Variants in SPIDR observed in about 807,000 individuals in gnomAD.
SPIDR encodes scaffold protein involved in DNA repair.
Under a neutral mutation model 104.6 loss-of-function variants are expected in SPIDR, and 93 were observed. That is an observed-to-expected ratio of 0.89 (90% CI 0.75 to 1.06). The LOEUF is 1.06. Ranked by LOEUF, SPIDR falls within the 50% of genes least tolerant of loss-of-function variation. SPIDR has a pLI of 0.00. For synonymous variants in SPIDR, 431 were observed against 416.9 expected, an observed-to-expected ratio of 1.03 and a Z score of -0.41; for missense variants, 1,154 against 1,111.2, an observed-to-expected ratio of 1.04 and a Z score of -0.55.
chr8:47,587,876 A>T (rs139311456), intron 8 of SPIDR, among the ~76,000 whole-genome samples: 1 of 150,848 alleles, frequency 6.6e-6, no homozygotes, highest in Non-Finnish European at 1.5e-5. Flanking sequence ...CTATGTGTCT[A>T]TCCCTTCAAT....
At chr8:47,511,195 C>A in intron 8 of SPIDR, 1 of 1,586,762 alleles carries the variant, frequency 6.3e-7, no homozygotes, top group Non-Finnish European at 8.7e-7. Flanking sequence ...GTTGCTGATC[C>A]TGTGGCTGTG....
At chr8:47,728,733 G>A (rs958696792) in intron 17 of SPIDR, 200 bp from the exon 18 acceptor site, 21 of 532,120 alleles carry the variant, frequency 3.9e-5, no homozygotes, top group East Asian at 7.0e-5. Flanking sequence ...AGTGCTACTC[G>A]TGCTACTCGA....
intron 8 of SPIDR, among the ~76,000 whole-genome samples, chr8:47,471,963 A>G (rs984444602): frequency 5.3e-5 from 8 of 152,352 alleles, no homozygotes; most frequent in Admixed American, 1.3e-4. Context: ...AATTCCAGTT[A>G]TGCCCCAACT....
At chr8:47,650,955 G>A (rs888792070) in intron 10 of SPIDR, among the ~76,000 whole-genome samples, 1 of 152,110 alleles carries the variant, frequency 6.6e-6, no homozygotes, top group African/African-American at 2.4e-5. Flanking sequence ...ATAAACTCAA[G>A]ATGGATCAAA....
chr8:47,603,557 TA>T (rs2062564928), intron 10 of SPIDR, among the ~76,000 whole-genome samples: 1 of 147,692 alleles, frequency 6.8e-6, no homozygotes, highest in African/African-American at 2.5e-5. Context: ...CATACCCAGC[TA>T]ATTTTTTTTT....
intron 1 of SPIDR, among the ~76,000 whole-genome samples, chr8:47,268,977 G>C (rs2034674912): frequency 6.6e-6 from 1 of 151,778 alleles, no homozygotes; most frequent in Non-Finnish European, 1.5e-5. Flanking sequence ...GACCAGCCTG[G>C]GCAACATGGT....
rs555018053 is a variant in SPIDR, at chr8:47,465,920, AC to A, written c.1097+25379del. On this transcript the variant is annotated intron_variant, in intron 8 of 19. Transcript: ENST00000297423. ...ACTAAACCGACGAAGATCAAAAAAGACAAAGAATCACATTACATAATGGTAA... is the reference window on the plus strand; with the variant it reads ...ACTAAACCGACGAAGATCAAAAAAGAAAAGAATCACATTACATAATGGTAA... Among the ~76,000 whole-genome samples the A allele has an allele frequency of 3.4e-3, 517 of 152,294 alleles. 2 individuals carry two copies. Among genetic ancestry groups the A allele is most frequent in the African/African-American group, 0.012 (492 of 41,552 alleles).
intron 10 of SPIDR, among the ~76,000 whole-genome samples, chr8:47,623,455 A>G (rs2065469105): frequency 6.6e-6 from 1 of 152,234 alleles, no homozygotes; most frequent in South Asian, 2.1e-4. Flanking sequence ...TTGGATAAAG[A>G]GTCAAGACCC....
chr8:47,484,027 G>A (rs7002441), intron 8 of SPIDR, among the ~76,000 whole-genome samples: 5,231 of 152,160 alleles, frequency 0.034, 328 homozygotes, highest in Admixed American at 0.15. Flanking sequence ...GTTAGCAAAC[G>A]ATTTCTATGA....
chr8:47,261,244 C>T (rs1284011706), intron 1 of SPIDR, among the ~76,000 whole-genome samples: 1 of 152,164 alleles, frequency 6.6e-6, no homozygotes. Context: ...GGGGTGGGAC[C>T]GCCGAGGGAC....
intron 7 of SPIDR, among the ~76,000 whole-genome samples, chr8:47,433,960 T>G (rs996608926): frequency 2.0e-5 from 3 of 152,132 alleles, no homozygotes; most frequent in African/African-American, 7.2e-5. Flanking sequence ...CTATGAGAAG[T>G]CAGTAAAATA....
chr8:47,627,001 G>A (rs1005229139), intron 10 of SPIDR, among the ~76,000 whole-genome samples: 4 of 152,166 alleles, frequency 2.6e-5, no homozygotes, highest in South Asian at 4.1e-4. Flanking sequence ...ATGTCCAACA[G>A]CGATAGACTG....
chr8:47,455,979 C>T (rs1586008759), intron 8 of SPIDR, among the ~76,000 whole-genome samples: 8 of 152,082 alleles, frequency 5.3e-5, no homozygotes, highest in Admixed American at 4.6e-4. Context: ...ATAAAGGATT[C>T]AACAGCTGTA....
intron 8 of SPIDR, among the ~76,000 whole-genome samples, chr8:47,462,086 T>C (rs1325295549): frequency 1.3e-5 from 2 of 152,164 alleles, no homozygotes; most frequent in Non-Finnish European, 2.9e-5. Flanking sequence ...AGTGTTCAGA[T>C]TCTTTTGTCC....
intron 10 of SPIDR, among the ~76,000 whole-genome samples, chr8:47,618,167 A>G (rs2064602880): frequency 6.6e-6 from 1 of 151,802 alleles, no homozygotes; most frequent in Admixed American, 6.6e-5. Context: ...CTCTCGTGTC[A>G]TTTTCTAGTT....
intron 7 of SPIDR, among the ~76,000 whole-genome samples, chr8:47,415,854 G>A (rs993758923): frequency 1.3e-5 from 2 of 152,152 alleles, no homozygotes; most frequent in African/African-American, 2.4e-5. Context: ...ACACAGAAGG[G>A]TCCATCACCC....
intron 8 of SPIDR, among the ~76,000 whole-genome samples, chr8:47,513,330 A>G (rs2082647256): frequency 6.6e-6 from 1 of 152,202 alleles, no homozygotes; most frequent in Non-Finnish European, 1.5e-5. Context: ...CAGTAATTGA[A>G]AAGTTTGTGT....
intron 5 of SPIDR, among the ~76,000 whole-genome samples, chr8:47,307,965 G>C (rs76840348): frequency 0.038 from 5,740 of 152,048 alleles, 350 homozygotes; most frequent in African/African-American, 0.13. Context: ...ATACTTTCCT[G>C]TATATCTTGT....
chr8:47,526,285 G>T (rs1055487406), intron 8 of SPIDR, among the ~76,000 whole-genome samples: 6 of 152,094 alleles, frequency 3.9e-5, no homozygotes, highest in Admixed American at 6.6e-5. Context: ...ATTTAATTCT[G>T]GTCTGGTCCA....
Sources: gnomAD v4.1 joint callset for allele counts (sites outside exome capture counted in the v4.1 genomes callset) on GRCh38, gnomAD v4.1.1 for gene constraint, MANE v1.5 for transcripts, NCBI Gene and HGNC (gene_info 2026-07-23, HGNC 2026-07-21) for gene names.